The following ANKS1B variants were observed in gnomAD, a reference collection of about 807,000 sequenced individuals.
ANKS1B encodes ankyrin repeat and sterile alpha motif domain containing 1B.
ANKS1B carries 36 observed loss-of-function variants against 148.3 expected under a neutral mutation model. That is an observed-to-expected ratio of 0.24 (90% CI 0.19 to 0.32). ANKS1B has a LOEUF of 0.32. Among genes scored for constraint, ANKS1B ranks in the 10% least tolerant of loss-of-function variants. The pLI, the probability that ANKS1B is intolerant of heterozygous loss-of-function variation, is 1.00. For synonymous variants in ANKS1B, 542 were observed against 560.8 expected (o/e 0.97, Z 0.47); for missense variants, 1,157 against 1,542.6 (o/e 0.75, Z 4.19).
chr12:99,038,231 A>G (rs1361759721), intron 17 of ANKS1B, among the ~76,000 whole-genome samples: 1 of 152,292 alleles, frequency 6.6e-6, no homozygotes, highest in East Asian at 1.9e-4. Context: ...TCAATTTACC[A>G]TGTCCAAATG....
chr12:99,936,341 T>C (rs891695671), intron 1 of ANKS1B, among the ~76,000 whole-genome samples: 7 of 152,204 alleles, frequency 4.6e-5, no homozygotes, highest in African/African-American at 2.4e-5. Context: ...GTTATGCTAC[T>C]TGTAAAATAC....
At chr12:99,196,825 T>C (rs1173330742) in intron 14 of ANKS1B, among the ~76,000 whole-genome samples, 1 of 152,066 alleles carries the variant, frequency 6.6e-6, no homozygotes, top group African/African-American at 2.4e-5. Context: ...AAAGGACAAC[T>C]TTGGGTCCAG....
Position 99,560,328 on chromosome 12 carries a change from G to GT in ANKS1B, c.1273-55688dup, listed in dbSNP as rs536456750. 4.7e-4 allele frequency among the ~76,000 whole-genome samples: 70 copies of GT among 150,304 alleles called. 2 individuals carry two copies. In the South Asian group the frequency reaches 0.013, roughly 28 times the overall value. ...CACACGTTACCTCAATAGATATGTTGTTTTTTTTCACATAGCCCAACACAT... is the reference window on the plus strand; with the variant it reads ...CACACGTTACCTCAATAGATATGTTGTTTTTTTTTCACATAGCCCAACACAT... On this transcript the variant is annotated intron_variant, in intron 9 of 26. Coordinates refer to ENST00000683438, the MANE Select transcript of ANKS1B (RefSeq NM_001352186.2).
At chr12:99,174,048 T>A (rs2078096896) in intron 14 of ANKS1B, among the ~76,000 whole-genome samples, 1 of 152,188 alleles carries the variant, frequency 6.6e-6, no homozygotes, top group Non-Finnish European at 1.5e-5. Flanking sequence ...GATTACAAAG[T>A]TCTGACTTTG....
intron 16 of ANKS1B, among the ~76,000 whole-genome samples, chr12:99,069,196 C>T (rs904385227): frequency 6.6e-6 from 1 of 152,146 alleles, no homozygotes; most frequent in Admixed American, 6.6e-5. Context: ...GTTGCTCTAG[C>T]TTCCTTTCAT....
At chr12:99,156,085 C>T (rs951280699) in intron 14 of ANKS1B, among the ~76,000 whole-genome samples, 1 of 151,928 alleles carries the variant, frequency 6.6e-6, no homozygotes, top group Non-Finnish European at 1.5e-5. Flanking sequence ...TTTCCTCAAA[C>T]CTCATCTTTC....
At chr12:98,793,445 A>T (rs760594096) in intron 22 of ANKS1B, among the ~76,000 whole-genome samples, 1 of 152,164 alleles carries the variant, frequency 6.6e-6, no homozygotes, top group Non-Finnish European at 1.5e-5. Context: ...TTTTTTGGAT[A>T]TGACTCCAAA....
chr12:99,501,321 T>C (rs865792539), intron 10 of ANKS1B, among the ~76,000 whole-genome samples: 36 of 152,286 alleles, frequency 2.4e-4, no homozygotes, highest in African/African-American at 7.9e-4. Context: ...TTAATTTTAA[T>C]AATAGGAAAA....
intron 9 of ANKS1B, among the ~76,000 whole-genome samples, chr12:99,547,300 G>C (rs1226830844): frequency 6.6e-6 from 1 of 151,664 alleles, no homozygotes; most frequent in East Asian, 2.0e-4. Context: ...GCCTGGTATT[G>C]TTCAGATATA....
chr12:99,153,613 G>T (rs1490916773), intron 15 of ANKS1B, among the ~76,000 whole-genome samples: 1 of 152,134 alleles, frequency 6.6e-6, no homozygotes, highest in Non-Finnish European at 1.5e-5. Flanking sequence ...ATGTAGACCA[G>T]AATTCAGAAG....
chr12:99,384,801 T>C (rs1049812662), intron 12 of ANKS1B, among the ~76,000 whole-genome samples: 1 of 152,222 alleles, frequency 6.6e-6, no homozygotes, highest in South Asian at 2.1e-4. Flanking sequence ...ATATTGTACT[T>C]ACTATAATAA....
At chr12:98,847,663 T>C (rs1025556527) in intron 17 of ANKS1B, among the ~76,000 whole-genome samples, 29 of 152,208 alleles carry the variant, frequency 1.9e-4, no homozygotes, top group Admixed American at 1.9e-3. Flanking sequence ...TGGAGAGATC[T>C]TGGCTCACTG....
chr12:99,203,156 TA>T (rs2153899630), intron 14 of ANKS1B, among the ~76,000 whole-genome samples: 1 of 152,304 alleles, frequency 6.6e-6, no homozygotes, highest in East Asian at 1.9e-4. Flanking sequence ...TTGACTCAAA[TA>T]ATCTGTAAAC....
chr12:99,869,956 TTTTA>T (rs2091287823), intron 1 of ANKS1B, among the ~76,000 whole-genome samples: 1 of 152,210 alleles, frequency 6.6e-6, no homozygotes, highest in African/African-American at 2.4e-5. Flanking sequence ...TAATTTCAAC[TTTTA>T]TTTTAGATTC....
At chr12:99,249,187 TA>T (rs1386426211) in intron 12 of ANKS1B, among the ~76,000 whole-genome samples, 1 of 152,148 alleles carries the variant, frequency 6.6e-6, no homozygotes. Flanking sequence ...TGAAGAAGGA[TA>T]AAAGGTCTGA....
intron 8 of ANKS1B, among the ~76,000 whole-genome samples, chr12:99,765,549 G>T (rs2062566738): frequency 2.0e-5 from 3 of 152,070 alleles, no homozygotes; most frequent in Admixed American, 1.3e-4. Context: ...CTTGAGCCAA[G>T]ATTTCAGCCT....
exon 10 of ANKS1B, chr12:98,734,990 G>A (rs2097767269): frequency 2.6e-6 from 1 of 387,462 alleles, no homozygotes; most frequent in East Asian, 3.6e-5. Flanking sequence ...GCACGTGCCT[G>A]TAATCCCAGC....
intron 12 of ANKS1B, among the ~76,000 whole-genome samples, chr12:99,289,932 C>A (rs2079694000): frequency 6.6e-6 from 1 of 151,104 alleles, no homozygotes; most frequent in Admixed American, 6.6e-5. Context: ...AAGATTAGAG[C>A]AGAAATATAA....
At chr12:98,953,537 G>GTTTTTTTTGTTTTTTTTTTTTTTTTTT (rs2099857272) in intron 17 of ANKS1B, among the ~76,000 whole-genome samples, 1 of 57,424 alleles carries the variant, frequency 1.7e-5, no homozygotes, top group African/African-American at 7.4e-5. Flanking sequence ...ATCTAGAGTG[G>GTTTTTTTTGTTTTTTTTTTTTTTTTTT]TTTTTTTTTT....
Sources: gnomAD v4.1 joint callset for allele counts (sites outside exome capture counted in the v4.1 genomes callset) on GRCh38, gnomAD v4.1.1 for gene constraint, MANE v1.5 for transcripts, NCBI Gene and HGNC (gene_info 2026-07-23, HGNC 2026-07-21) for gene names.